The following PTCHD1 variants were observed in gnomAD, a reference collection of about 807,000 sequenced individuals.
PTCHD1 encodes the protein patched domain-containing protein 1.
In PTCHD1, 3 loss-of-function variants were observed where a neutral mutation model predicts 34.6. The ratio of observed to expected loss-of-function variants is 0.09; its 90% CI spans 0.04 to 0.22. The LOEUF is 0.22. PTCHD1 is among the 10% of genes least tolerant of loss of function. The pLI is 1.00. For synonymous variants in PTCHD1, 305 were observed against 283.1 expected (o/e 1.08, Z -0.77); for missense variants, 504 against 685.5 (o/e 0.74, Z 2.96).
rs1923128603 is a variant in PTCHD1, at chrX:23,401,741, A to G, written c.*7556A>G. 8.9e-6 allele frequency: 1 copy of G among 112,958 alleles called. No individual in the cohort carries two copies. The highest frequency in any genetic ancestry group is 3.2e-5 in the African/African-American group (1 of 31,060). 9.3% of individuals were successfully genotyped at this position (112,958 alleles called of 1,213,427 possible). On this transcript the variant is annotated 3_prime_UTR_variant, in exon 3 of 3. Transcript: ENST00000379361. Reference sequence around the variant, plus strand: ...TAGTTCTGTAAGGTTTGGCAGGCCAAAGGCTTCGGATGTCTGCAGGATACC... The same window carrying G: ...TAGTTCTGTAAGGTTTGGCAGGCCAGAGGCTTCGGATGTCTGCAGGATACC...
In PTCHD1 at chrX:23,379,753, G is replaced by A. The variant is rs1422083429; in HGVS notation, c.514G>A (p.Ala172Thr). 8.3e-7 allele frequency: 1 copy of A among 1,209,193 alleles called. No homozygotes were observed. The highest frequency in any genetic ancestry group is 1.1e-6 in the Non-Finnish European group (1 of 895,103). ...TCGGGCCACCAATCGGACCAATTTT[G>A]CTATCACATACCCAATCACTCACTT... Reference protein sequence around the residue: ...NARATNRTNFAITYPITHLKD... With the variant: ...NARATNRTNFTITYPITHLKD... The change falls in exon 2 of 3, where the codon GCT becomes ACT. Residue 172 changes from alanine (A) to threonine (T), a missense_variant. By Grantham distance (58) the Ala-to-Thr change is moderately conservative. Coordinates refer to ENST00000379361, the MANE Select transcript of PTCHD1 (RefSeq NM_173495.3).
At chrX:23,351,303 C>G (rs933310115) in intron 1 of PTCHD1, 3 of 867,359 alleles carry the variant, frequency 3.5e-6, no homozygotes, top group East Asian at 6.3e-5. Context: ...TGTTGGACAA[C>G]TTACACAATT....
At chrX:23,340,859 A>G (rs771097501) in intron 1 of PTCHD1, among the ~76,000 whole-genome samples, 1 of 112,023 alleles carries the variant, frequency 8.9e-6, no homozygotes, top group Non-Finnish European at 1.9e-5. Context: ...CTGGGCCTGA[A>G]AGGGCAGCAT....
At chrX:23,362,730 C>T (rs1344975069) in intron 1 of PTCHD1, among the ~76,000 whole-genome samples, 1 of 112,247 alleles carries the variant, frequency 8.9e-6, no homozygotes, top group African/African-American at 3.2e-5. Flanking sequence ...GAATTTTCAG[C>T]TTTTCTGCTC....
chrX:23,373,118 C>A, intron 1 of PTCHD1, among the ~76,000 whole-genome samples: 1 of 112,685 alleles, frequency 8.9e-6, no homozygotes, highest in East Asian at 2.8e-4. Context: ...TTCACCATCA[C>A]TATTTTTTGT....
At chrX:23,357,276 C>A (rs958174329) in intron 1 of PTCHD1, among the ~76,000 whole-genome samples, 3 of 111,704 alleles carry the variant, frequency 2.7e-5, no homozygotes, top group Non-Finnish European at 5.6e-5. Flanking sequence ...GGCTAATGAG[C>A]ATGTGGAAAG....
At chrX:23,361,373 T>G (rs902735758) in intron 1 of PTCHD1, among the ~76,000 whole-genome samples, 1 of 112,368 alleles carries the variant, frequency 8.9e-6, no homozygotes, top group Admixed American at 9.4e-5. Flanking sequence ...TTAGTTCTTC[T>G]TGTTGAATTG....
chrX:23,395,169 T>G lies in PTCHD1; in HGVS notation c.*984T>G, dbSNP rs1922955954. 8.9e-6 allele frequency: 1 copy of G among 112,379 alleles called. No homozygotes were observed. Among genetic ancestry groups the G allele is most frequent in the Non-Finnish European group, 1.9e-5 (1 of 53,301 alleles). The allele number at this position is 112,379 out of a possible 1,213,427, so 9.3% of individuals were successfully genotyped here. A position where few individuals can be genotyped will look rare whatever the true frequency, so the allele number is the denominator to read the frequency against. Reference sequence around the variant, plus strand: ...AGCCAGCTGGTACAGCTGTTTGCATTGGCCCTACATGCATTTTTTGCATGG... The same window carrying G: ...AGCCAGCTGGTACAGCTGTTTGCATGGGCCCTACATGCATTTTTTGCATGG... On this transcript the variant is annotated 3_prime_UTR_variant, in exon 3 of 3. Coordinates refer to ENST00000379361, the MANE Select transcript of PTCHD1 (RefSeq NM_173495.3).
intron 1 of PTCHD1, among the ~76,000 whole-genome samples, chrX:23,375,504 C>T (rs1332121421): frequency 9.0e-6 from 1 of 110,664 alleles, no homozygotes; most frequent in Non-Finnish European, 1.9e-5. Flanking sequence ...TGGTCTCGAT[C>T]TCCTGACCTC....
At chrX:23,355,297 ACAAT>A (rs1167673499) in intron 1 of PTCHD1, among the ~76,000 whole-genome samples, 1 of 112,472 alleles carries the variant, frequency 8.9e-6, no homozygotes, top group Non-Finnish European at 1.9e-5. Context: ...CCTGATAAAA[ACAAT>A]CAGAGGTTTC....
At position 23,379,846 on chromosome X, in the gene PTCHD1, G is replaced by C. The variant is rs1569139987; in HGVS notation, c.607G>C (p.Val203Leu). 8.3e-7 allele frequency: 1 copy of C among 1,209,830 alleles called. No individual in the cohort carries two copies. The highest frequency in any genetic ancestry group is 1.1e-6 in the Non-Finnish European group (1 of 895,225). The change falls in exon 2 of 3, where the codon GTG (valine) becomes CTG (leucine). Residue 203 changes from valine (V) to leucine (L), a missense_variant. Val to Leu is a conservative substitution (Grantham distance 32). Transcript: ENST00000379361. Reference protein sequence around the residue: ...GGVTVHSKDRVKSAEAIQLTY... With the variant: ...GGVTVHSKDRLKSAEAIQLTY... ...CGTCACTGTGCACAGCAAAGACCGG[G>C]TGAAATCTGCAGAGGCCATCCAGCT...
At chrX:23,367,246 T>C (rs1477243442) in intron 1 of PTCHD1, among the ~76,000 whole-genome samples, 2 of 112,182 alleles carry the variant, frequency 1.8e-5, no homozygotes, top group Non-Finnish European at 3.8e-5. Context: ...GGTGATGAAG[T>C]GCAGAAGACT....
chrX:23,334,784 CGCT>C (rs1423891463), upstream of PTCHD1: 60 of 332,792 alleles, frequency 1.8e-4, no homozygotes, highest in East Asian at 5.4e-4. Flanking sequence ...CCGCGGGCGC[CGCT>C]GCCGCCGCCG....
chrX:23,342,294 ATATATATATATATATATTTTT>A (rs1921346068), intron 1 of PTCHD1, among the ~76,000 whole-genome samples: 3 of 7,829 alleles, frequency 3.8e-4, no homozygotes, highest in African/African-American at 2.4e-3. Flanking sequence ...ATATATATAT[ATATATATATATATATATTTTT>A]TTTTTTTTTT....
intron 1 of PTCHD1, among the ~76,000 whole-genome samples, chrX:23,374,333 A>G (rs1187195671): frequency 9.5e-6 from 1 of 105,787 alleles, no homozygotes; most frequent in Non-Finnish European, 1.9e-5. Context: ...AAGGTATTGT[A>G]TAAGATCCTC....
chrX:23,394,023 C>T lies in PTCHD1; in HGVS notation c.2505C>T (p.Phe835=), dbSNP rs1313525862. 8.3e-7 allele frequency: 1 copy of T among 1,208,162 alleles called. No homozygotes were observed. The highest frequency in any genetic ancestry group is 1.8e-5 in the African/African-American group (1 of 56,712). Residue 835 remains phenylalanine (F), a synonymous_variant, in exon 3 of 3, where the codon TTC becomes TTT. Transcript: ENST00000379361. ...TGTTTTTAATAGCATTTGTCACCTTCTTTCACTGCTTTGCCATTTTACCTG... is the reference window on the plus strand; with the variant it reads ...TGTTTTTAATAGCATTTGTCACCTTTTTTCACTGCTTTGCCATTTTACCTG... ...RCLFLIAFVT[F]FHCFAILPVI... is the part of the protein sequence containing the mutation.
At chrX:23,342,303 TATATA>T (rs1234781874) in intron 1 of PTCHD1, among the ~76,000 whole-genome samples, 12 of 10,048 alleles carry the variant, frequency 1.2e-3, no homozygotes, top group African/African-American at 1.5e-3. Flanking sequence ...TATATATATA[TATATA>T]TATTTTTTTT....
At chrX:23,375,287 CTTTTTTTTTTTT>C (rs72075900) in intron 1 of PTCHD1, among the ~76,000 whole-genome samples, 1 of 83,724 alleles carries the variant, frequency 1.2e-5, no homozygotes, top group South Asian at 5.7e-4. Flanking sequence ...GCTGACAATT[CTTTTTTTTTTTT>C]TTTTTTTTGA....
At chrX:23,358,635 G>A (rs1024341216) in intron 1 of PTCHD1, among the ~76,000 whole-genome samples, 5 of 111,976 alleles carry the variant, frequency 4.5e-5, no homozygotes, top group African/African-American at 1.3e-4. Flanking sequence ...TTGCTGTGCA[G>A]AAGCTCTTTA....
Sources: gnomAD v4.1 joint callset for allele counts (sites outside exome capture counted in the v4.1 genomes callset) on GRCh38, gnomAD v4.1.1 for gene constraint, MANE v1.5 for transcripts, NCBI Gene and HGNC (gene_info 2026-07-23, HGNC 2026-07-21) for gene names.